The following KCND2 variants were observed in gnomAD, a reference collection of about 807,000 sequenced individuals.
The protein encoded by KCND2 is A-type voltage-gated potassium channel KCND2.
A neutral mutation model predicts 54.4 loss-of-function variants in KCND2; 16 were observed. That is an observed-to-expected ratio of 0.29 (90% CI 0.20 to 0.45). The LOEUF (loss-of-function observed/expected upper bound fraction) is 0.45, where lower values mean the gene tolerates loss of function less well. KCND2 is among the 20% of genes least tolerant of loss of function. The pLI is 1.00. For synonymous variants in KCND2, 317 were observed against 310.7 expected (o/e 1.02, Z -0.21); for missense variants, 486 against 824.2 (o/e 0.59, Z 5.02).
chr7:120,421,432 C>T (rs559968582), intron 1 of KCND2, among the ~76,000 whole-genome samples: 2 of 152,332 alleles, frequency 1.3e-5, no homozygotes, highest in African/African-American at 4.8e-5. Flanking sequence ...ACACACAACA[C>T]TCTCTGAAAC....
intron 1 of KCND2, among the ~76,000 whole-genome samples, chr7:120,368,614 G>A (rs994952970): frequency 2.4e-4 from 37 of 151,994 alleles, no homozygotes; most frequent in Non-Finnish European, 3.1e-4. Flanking sequence ...TACTAAGTGC[G>A]TAAGCTCTCC....
intron 1 of KCND2, among the ~76,000 whole-genome samples, chr7:120,612,729 A>G (rs1792971861): frequency 6.6e-6 from 1 of 152,218 alleles, no homozygotes; most frequent in African/African-American, 2.4e-5. Flanking sequence ...TCTTATTGTG[A>G]ACTTAATGAA....
chr7:120,347,462 A>T (rs552645480), intron 1 of KCND2, among the ~76,000 whole-genome samples: 1 of 152,242 alleles, frequency 6.6e-6, no homozygotes, highest in Admixed American at 6.5e-5. Context: ...TGACAGTAAG[A>T]GGTACATTTT....
At chr7:120,397,993 GTGTATATATATATATATATATATA>G (rs1175107806) in intron 1 of KCND2, among the ~76,000 whole-genome samples, 5 of 39,986 alleles carry the variant, frequency 1.3e-4, no homozygotes, top group African/African-American at 2.5e-4. Context: ...GTGTGTGTGT[GTGTATATATATATATATATATATA>G]TATATATATA....
At chr7:120,696,221 A>G (rs904264333) in intron 1 of KCND2, among the ~76,000 whole-genome samples, 6 of 152,238 alleles carry the variant, frequency 3.9e-5, no homozygotes, top group Non-Finnish European at 8.8e-5. Flanking sequence ...TTGGTCGGTA[A>G]TGAATAGGTA....
At chr7:120,636,836 T>C (rs1367923141) in intron 1 of KCND2, among the ~76,000 whole-genome samples, 3 of 152,172 alleles carry the variant, frequency 2.0e-5, no homozygotes, top group African/African-American at 7.2e-5. Flanking sequence ...CTCTACAATC[T>C]ACCAAGTGAT....
At chr7:120,389,513 T>A (rs935693997) in intron 1 of KCND2, among the ~76,000 whole-genome samples, 2 of 151,852 alleles carry the variant, frequency 1.3e-5, no homozygotes, top group Admixed American at 6.6e-5. Context: ...TTGACCTCCA[T>A]CTTCCCATTT....
chr7:120,288,179 A>G (rs1055572192), intron 1 of KCND2, among the ~76,000 whole-genome samples: 9 of 152,102 alleles, frequency 5.9e-5, no homozygotes, highest in African/African-American at 1.9e-4. Flanking sequence ...TAATCGACCA[A>G]TTGGTTGTAA....
At chr7:120,329,700 G>A (rs528891085) in intron 1 of KCND2, among the ~76,000 whole-genome samples, 5 of 152,080 alleles carry the variant, frequency 3.3e-5, no homozygotes, top group South Asian at 2.1e-4. Flanking sequence ...CAGAATTTGC[G>A]GTGATTTGAT....
intron 1 of KCND2, among the ~76,000 whole-genome samples, chr7:120,353,319 A>G (rs1800444681): frequency 6.6e-6 from 1 of 151,928 alleles, no homozygotes; most frequent in African/African-American, 2.4e-5. Flanking sequence ...CAGTAGGACA[A>G]TGGAGACTGA....
At chr7:120,372,539 C>T (rs116470436) in intron 1 of KCND2, among the ~76,000 whole-genome samples, 23 of 151,884 alleles carry the variant, frequency 1.5e-4, no homozygotes, top group African/African-American at 4.8e-4. Flanking sequence ...ATTTTAAAGA[C>T]AAAAACATTC....
intron 1 of KCND2, among the ~76,000 whole-genome samples, chr7:120,346,423 A>G (rs747250929): frequency 2.0e-4 from 31 of 152,176 alleles, no homozygotes; most frequent in Non-Finnish European, 4.3e-4. Context: ...AGTATGAGTT[A>G]CTAATTATAT....
chr7:120,646,851 T>G (rs1793448646), intron 1 of KCND2, among the ~76,000 whole-genome samples: 1 of 152,200 alleles, frequency 6.6e-6, no homozygotes, highest in African/African-American at 2.4e-5. Flanking sequence ...AGTACAAGCC[T>G]CACTTTGGTT....
intron 1 of KCND2, among the ~76,000 whole-genome samples, chr7:120,630,756 G>A (rs1282973930): frequency 1.3e-5 from 2 of 152,120 alleles, no homozygotes; most frequent in African/African-American, 4.8e-5. Flanking sequence ...GGCTTTCTAA[G>A]ATAAGTCACA....
chr7:120,470,309 A>G (rs1049795122), intron 1 of KCND2, among the ~76,000 whole-genome samples: 6 of 152,132 alleles, frequency 3.9e-5, no homozygotes, highest in African/African-American at 1.2e-4. Flanking sequence ...TTGTACACCA[A>G]TGAATGTTTG....
chr7:120,285,933 A>C (rs1400345219), intron 1 of KCND2, among the ~76,000 whole-genome samples: 3 of 152,054 alleles, frequency 2.0e-5, no homozygotes, highest in African/African-American at 7.2e-5. Context: ...AGTGCCTATC[A>C]ATTTAGCAAA....
chr7:120,617,925 C>T (rs945631336), intron 1 of KCND2, among the ~76,000 whole-genome samples: 4 of 152,094 alleles, frequency 2.6e-5, no homozygotes, highest in Non-Finnish European at 4.4e-5. Context: ...AGAAAACTAC[C>T]GCATGTTCTC....
chr7:120,299,765 C>G (rs527618014), intron 1 of KCND2, among the ~76,000 whole-genome samples: 6 of 152,112 alleles, frequency 3.9e-5, no homozygotes, highest in Admixed American at 6.5e-5. Context: ...TCCTGTGATA[C>G]TCGTCATTGA....
chr7:120,367,076 GTGCCAAGCCCAT>G (rs1164343286), intron 1 of KCND2, among the ~76,000 whole-genome samples: 2 of 152,060 alleles, frequency 1.3e-5, no homozygotes, highest in Non-Finnish European at 2.9e-5. Flanking sequence ...TGCATATTAT[GTGCCAAGCCCAT>G]TGCTATGTCT....
Sources: gnomAD v4.1 joint callset for allele counts (sites outside exome capture counted in the v4.1 genomes callset) on GRCh38, gnomAD v4.1.1 for gene constraint, MANE v1.5 for transcripts, NCBI Gene and HGNC (gene_info 2026-07-23, HGNC 2026-07-21) for gene names.